The following TAS2R1 variants were observed in gnomAD, a reference collection of about 807,000 sequenced individuals.
The protein encoded by TAS2R1 is taste receptor type 2 member 1.
For missense variants in TAS2R1, 370 were observed against 353.4 expected, an observed-to-expected ratio of 1.05 and a Z score of -0.38; for synonymous variants, 141 against 134.2, an observed-to-expected ratio of 1.05 and a Z score of -0.35.
At chr5:9,801,279 C>G in the TAS2R1 span, among the ~76,000 whole-genome samples, 1 of 152,236 alleles carries the variant, frequency 6.6e-6, no homozygotes, top group East Asian at 1.9e-4. Flanking sequence ...AGAACCTGAA[C>G]ATGCTGGCAC....
chr5:9,791,438 C>T, the TAS2R1 span, among the ~76,000 whole-genome samples: 5 of 152,222 alleles, frequency 3.3e-5, no homozygotes, highest in Non-Finnish European at 7.3e-5. Flanking sequence ...GTGGCTCATG[C>T]CTGTGGTCCC....
chr5:9,863,601 T>C, the TAS2R1 span, among the ~76,000 whole-genome samples: 12 of 152,148 alleles, frequency 7.9e-5, no homozygotes, highest in Non-Finnish European at 1.6e-4. Flanking sequence ...GGCTGCAGAC[T>C]TGCTTTTCTT....
At chr5:9,863,612 C>T in the TAS2R1 span, among the ~76,000 whole-genome samples, 3 of 152,168 alleles carry the variant, frequency 2.0e-5, no homozygotes, top group African/African-American at 7.2e-5. Context: ...TGCTTTTCTT[C>T]CTAATGCTGG....
the TAS2R1 span, among the ~76,000 whole-genome samples, chr5:9,754,973 G>T: frequency 4.7e-4 from 71 of 152,284 alleles, no homozygotes; most frequent in African/African-American, 1.7e-3. Context: ...TGGAGGTAAA[G>T]ATATCATTTA....
intron 2 of TAS2R1, among the ~76,000 whole-genome samples, chr5:9,639,288 A>C (rs1480983885): frequency 6.6e-6 from 1 of 152,164 alleles, no homozygotes; most frequent in Non-Finnish European, 1.5e-5. Flanking sequence ...CTGGGAGTGC[A>C]TGCAAGGTAC....
At chr5:9,746,970 T>A in the TAS2R1 span, among the ~76,000 whole-genome samples, 1 of 152,012 alleles carries the variant, frequency 6.6e-6, no homozygotes, top group Admixed American at 6.6e-5. Context: ...AGGGTAAGTG[T>A]ACAGATTGAG....
At chr5:9,748,763 A>G in the TAS2R1 span, among the ~76,000 whole-genome samples, 2 of 152,200 alleles carry the variant, frequency 1.3e-5, no homozygotes, top group South Asian at 4.1e-4. Context: ...ATTAGGCCTC[A>G]CTTCCAACAC....
chr5:9,858,810 C>T, the TAS2R1 span, among the ~76,000 whole-genome samples: 1 of 152,080 alleles, frequency 6.6e-6, no homozygotes, highest in Admixed American at 6.5e-5. Context: ...ATTGTATGCA[C>T]TTCCCTGTCT....
At chr5:9,665,989 C>G (rs973834347) in intron 1 of TAS2R1, among the ~76,000 whole-genome samples, 2 of 152,118 alleles carry the variant, frequency 1.3e-5, no homozygotes, top group Admixed American at 1.3e-4. Flanking sequence ...TATTTTTGGA[C>G]AAGGAGTATG....
chr5:9,853,691 T>C, the TAS2R1 span, among the ~76,000 whole-genome samples: 1 of 152,100 alleles, frequency 6.6e-6, no homozygotes, highest in Admixed American at 6.6e-5. Flanking sequence ...GGTCTTCTAA[T>C]TGGGGATGAC....
At chr5:9,822,140 A>G in the TAS2R1 span, among the ~76,000 whole-genome samples, 1 of 152,126 alleles carries the variant, frequency 6.6e-6, no homozygotes, top group African/African-American at 2.4e-5. Flanking sequence ...AGACTTTCGT[A>G]TAGGTTAATC....
At chr5:9,697,284 G>A (rs930065208) in intron 1 of TAS2R1, among the ~76,000 whole-genome samples, 4 of 151,902 alleles carry the variant, frequency 2.6e-5, no homozygotes, top group African/African-American at 9.7e-5. Flanking sequence ...TTTTGTTCAC[G>A]TTCAAAATAC....
chr5:9,773,437 G>A, the TAS2R1 span, among the ~76,000 whole-genome samples: 77 of 152,102 alleles, frequency 5.1e-4, no homozygotes, highest in African/African-American at 1.8e-3. Flanking sequence ...TTATATTTAA[G>A]ATATGAGTAG....
the TAS2R1 span, among the ~76,000 whole-genome samples, chr5:9,845,907 A>G: frequency 6.6e-6 from 1 of 152,258 alleles, no homozygotes; most frequent in African/African-American, 2.4e-5. Flanking sequence ...AAACAAAAAT[A>G]ACACCAACCA....
the TAS2R1 span, among the ~76,000 whole-genome samples, chr5:9,871,280 G>A: frequency 3.5e-3 from 526 of 152,332 alleles, 4 homozygotes; most frequent in Admixed American, 0.011. Flanking sequence ...GATGATTACA[G>A]GCAAGATAGA....
chr5:9,818,848 A>T, the TAS2R1 span, among the ~76,000 whole-genome samples: 15 of 152,168 alleles, frequency 9.9e-5, no homozygotes, highest in Non-Finnish European at 1.5e-5. Context: ...CTTGGAAGCA[A>T]CCTACCGCCA....
At chr5:9,780,690 TGC>T in the TAS2R1 span, among the ~76,000 whole-genome samples, 50 of 151,998 alleles carry the variant, frequency 3.3e-4, no homozygotes, top group African/African-American at 9.2e-4. Flanking sequence ...TGTGTGTGTG[TGC>T]GCGCGCGCGC....
chr5:9,898,441 C>T, the TAS2R1 span, among the ~76,000 whole-genome samples: 1 of 152,196 alleles, frequency 6.6e-6, no homozygotes, highest in African/African-American at 2.4e-5. Flanking sequence ...TTGAGACCTT[C>T]CCTAAGCTAG....
chr5:9,671,846 C>CA (rs202221952), intron 1 of TAS2R1, among the ~76,000 whole-genome samples: 10,222 of 151,702 alleles, frequency 0.067, 590 homozygotes, highest in African/African-American at 0.15. Context: ...CAATCCTAAG[C>CA]AAAAAAAATA....
Sources: gnomAD v4.1 joint callset for allele counts (sites outside exome capture counted in the v4.1 genomes callset) on GRCh38, gnomAD v4.1.1 for gene constraint, MANE v1.5 for transcripts, NCBI Gene and HGNC (gene_info 2026-07-23, HGNC 2026-07-21) for gene names.